KLRG1: variants seen among roughly 807,000 people sequenced by gnomAD.
The protein encoded by KLRG1 is killer cell lectin-like receptor subfamily G member 1.
In KLRG1, 16 loss-of-function variants were observed where a neutral mutation model predicts 21.8. That is an observed-to-expected ratio of 0.73 (90% CI 0.50 to 1.11). KLRG1 has a LOEUF of 1.11. KLRG1 is among the 50% of genes most tolerant of loss of function. KLRG1 has a pLI of 0.00. For missense variants in KLRG1, 173 were observed against 218.3 expected (o/e 0.79, Z 1.31); for synonymous variants, 69 against 75.9 (o/e 0.91, Z 0.47).
chr12:9,155,985 TA>T, the KLRG1 span: 1 of 168,018 alleles, frequency 6.0e-6, no homozygotes. Context: ...TTTTCACCAA[TA>T]AAGAACTGGT....
the KLRG1 span, chr12:9,165,007 G>T: frequency 1.8e-6 from 2 of 1,100,802 alleles, no homozygotes; most frequent in South Asian, 1.5e-5. Context: ...GCTTTGCATA[G>T]CACTAATTAT....
the KLRG1 span, among the ~76,000 whole-genome samples, chr12:9,027,247 C>T: frequency 2.2e-3 from 328 of 148,880 alleles, no homozygotes; most frequent in African/African-American, 7.8e-3. Flanking sequence ...TAGCAATCAA[C>T]AGCATGGGTG....
the KLRG1 span, chr12:9,079,953 T>A: frequency 2.0e-6 from 2 of 1,019,492 alleles, no homozygotes; most frequent in African/African-American, 1.6e-5. Flanking sequence ...GAAGTATGAT[T>A]GAAAGCAATA....
chr12:8,996,079 T>A (rs1947122435), intron 3 of KLRG1, among the ~76,000 whole-genome samples: 1 of 152,166 alleles, frequency 6.6e-6, no homozygotes, highest in Non-Finnish European at 1.5e-5. Flanking sequence ...AAGTTTTCCC[T>A]TAATTCACTG....
chr12:9,197,833 A>G, the KLRG1 span, among the ~76,000 whole-genome samples: 1 of 69,898 alleles, frequency 1.4e-5, no homozygotes, highest in Middle Eastern at 7.6e-3. Flanking sequence ...TATATATTAT[A>G]CAATATATAA....
At chr12:8,981,510 A>G (rs954027722) in intron 1 of KLRG1, among the ~76,000 whole-genome samples, 8 of 151,510 alleles carry the variant, frequency 5.3e-5, no homozygotes, top group Non-Finnish European at 8.8e-5. Context: ...TCTTTTACCC[A>G]TGGGTTATTC....
At chr12:9,056,653 G>A in the KLRG1 span, among the ~76,000 whole-genome samples, 97 of 151,866 alleles carry the variant, frequency 6.4e-4, no homozygotes, top group African/African-American at 1.6e-3. Flanking sequence ...TCCAATGATC[G>A]TCCTGCCTCA....
the KLRG1 span, chr12:9,115,705 A>C: frequency 7.7e-7 from 1 of 1,299,906 alleles, no homozygotes; most frequent in Non-Finnish European, 1.1e-6. Flanking sequence ...TATAAAGAAA[A>C]ATCTGCAATA....
chr12:9,172,180 C>T, the KLRG1 span, among the ~76,000 whole-genome samples: 1 of 152,096 alleles, frequency 6.6e-6, no homozygotes, highest in Non-Finnish European at 1.5e-5. Flanking sequence ...AAATTGGGGG[C>T]CAATATTCAA....
At chr12:9,115,809 A>T in the KLRG1 span, 1 of 1,613,574 alleles carries the variant, frequency 6.2e-7, no homozygotes, top group South Asian at 1.1e-5. Flanking sequence ...GACCAAGAGG[A>T]GAAGAACCAG....
At chr12:9,012,883 C>G (rs1366504929), downstream of KLRG1, among the ~76,000 whole-genome samples, 1 of 152,078 alleles carries the variant, frequency 6.6e-6, no homozygotes, top group Non-Finnish European at 1.5e-5. Context: ...TAGTGGTTAC[C>G]ACAAGCCTTG....
chr12:9,036,868 T>A, the KLRG1 span: 1 of 420,998 alleles, frequency 2.4e-6, no homozygotes, highest in Non-Finnish European at 4.7e-6. Context: ...AAGTCAAAGC[T>A]GACAAGGAAT....
chr12:8,951,482 T>C (rs1463604714), intron 1 of KLRG1, among the ~76,000 whole-genome samples: 1 of 152,216 alleles, frequency 6.6e-6, no homozygotes, highest in Non-Finnish European at 1.5e-5. Flanking sequence ...AAGATATGTA[T>C]GTATCAAATA....
At chr12:9,068,158 T>C in the KLRG1 span, 2 of 1,610,094 alleles carry the variant, frequency 1.2e-6, no homozygotes, top group Non-Finnish European at 1.7e-6. Flanking sequence ...TCTGACTGCC[T>C]TTTGGAGGAG....
the KLRG1 span, chr12:9,107,641 G>T: frequency 1.2e-6 from 2 of 1,613,752 alleles, no homozygotes; most frequent in Non-Finnish European, 8.5e-7. Context: ...TCCCATATGT[G>T]TATCTGTCAT....
At chr12:9,105,653 A>T in the KLRG1 span, among the ~76,000 whole-genome samples, 1 of 152,342 alleles carries the variant, frequency 6.6e-6, no homozygotes, top group East Asian at 1.9e-4. Context: ...GGTAGATAAC[A>T]TGAAAATTCA....
At chr12:9,196,837 A>T in the KLRG1 span, 17 of 798,930 alleles carry the variant, frequency 2.1e-5, 1 homozygote, top group South Asian at 2.9e-4. Context: ...TCTGCTTTGT[A>T]ACCTCCAAAG....
chr12:9,158,378 T>C, the KLRG1 span: 6 of 1,607,746 alleles, frequency 3.7e-6, no homozygotes, highest in Admixed American at 8.4e-5. Flanking sequence ...GGGGATGTTA[T>C]GTTGATGTGT....
the KLRG1 span, among the ~76,000 whole-genome samples, chr12:9,204,648 C>T: frequency 1.3e-5 from 2 of 152,168 alleles, no homozygotes; most frequent in Admixed American, 6.5e-5. Context: ...ACACACACTA[C>T]ACAAACACAC....
Sources: allele counts gnomAD v4.1 joint callset (sites outside exome capture counted in the v4.1 genomes callset), GRCh38; gene constraint gnomAD v4.1.1; transcripts MANE v1.5; gene names NCBI Gene and HGNC (gene_info 2026-07-23, HGNC 2026-07-21).